The following NRXN3 variants were observed in gnomAD, a reference collection of about 807,000 sequenced individuals.
NRXN3 encodes neurexin 3.
In NRXN3, 32 loss-of-function variants were observed where a neutral mutation model predicts 137.6. The observed-to-expected ratio is 0.23, with a 90% confidence interval of 0.18 to 0.31. The LOEUF (loss-of-function observed/expected upper bound fraction) is 0.31, where lower values mean the gene tolerates loss of function less well. NRXN3 is among the 10% of genes least tolerant of loss of function. The pLI is 1.00. For synonymous variants in NRXN3, 798 were observed against 784.5 expected (o/e 1.02, Z -0.29); for missense variants, 1,574 against 2,062.5 (o/e 0.76, Z 4.59).
chr14:79,490,647 A>C (rs1014147967), intron 16 of NRXN3, among the ~76,000 whole-genome samples: 4 of 151,066 alleles, frequency 2.6e-5, no homozygotes, highest in Non-Finnish European at 5.9e-5. Flanking sequence ...TAGAGAATAG[A>C]AGGATGGTTA....
intron 4 of NRXN3, among the ~76,000 whole-genome samples, chr14:78,501,551 A>G (rs1180472154): frequency 2.6e-5 from 4 of 152,182 alleles, no homozygotes; most frequent in African/African-American, 4.8e-5. Flanking sequence ...AAAAAAAGCT[A>G]CTTACTAGGT....
intron 10 of NRXN3, among the ~76,000 whole-genome samples, chr14:78,916,925 C>A (rs904472454): frequency 2.0e-5 from 3 of 152,168 alleles, no homozygotes; most frequent in African/African-American, 7.2e-5. Context: ...TTTACATTGT[C>A]TTCCTGCTGA....
At chr14:79,280,867 G>A (rs1000111863) in intron 15 of NRXN3, 1 of 299,820 alleles carries the variant, frequency 3.3e-6, no homozygotes, top group Non-Finnish European at 6.4e-6. Context: ...CTTATCAGGT[G>A]AGTCCCAGTG....
chr14:78,362,506 A>G (rs1241944590), intron 4 of NRXN3, among the ~76,000 whole-genome samples: 2 of 152,238 alleles, frequency 1.3e-5, no homozygotes, highest in African/African-American at 2.4e-5. Flanking sequence ...TCCAAAGGGC[A>G]TAAATTAGAA....
rs75503254 is a variant in NRXN3, at chr14:78,289,971, T to G, written c.728-7860T>G. Among the ~76,000 whole-genome samples the G allele has an allele frequency of 6.4e-3, 980 of 152,162 alleles. 10 individuals carry two copies. Among genetic ancestry groups the G allele is most frequent in the African/African-American group, 0.023 (950 of 41,500 alleles). On this transcript the variant is annotated intron_variant, in intron 3 of 20. Transcript: ENST00000335750. ...GGTAGCTCTCATGTTCTTACATGAGTTTTTTACAAAGTTAGCTGCACATAG... is the reference window on the plus strand; with the variant it reads ...GGTAGCTCTCATGTTCTTACATGAGGTTTTTACAAAGTTAGCTGCACATAG...
At chr14:78,904,107 G>A (rs2099206933) in intron 10 of NRXN3, among the ~76,000 whole-genome samples, 1 of 152,092 alleles carries the variant, frequency 6.6e-6, no homozygotes, top group African/African-American at 2.4e-5. Context: ...GATATGTCAA[G>A]ATTATTCAGA....
chr14:79,302,114 C>G (rs1293371912), intron 15 of NRXN3, among the ~76,000 whole-genome samples: 1 of 151,994 alleles, frequency 6.6e-6, no homozygotes, highest in Admixed American at 6.6e-5. Flanking sequence ...TCTAACACCT[C>G]ACATCCTGTG....
chr14:79,803,864 C>T (rs1001575104), intron 19 of NRXN3, among the ~76,000 whole-genome samples: 6 of 149,638 alleles, frequency 4.0e-5, no homozygotes, highest in Non-Finnish European at 7.4e-5. Context: ...GTGAGAATCA[C>T]GTCTAATTAA....
rs549490995 is a variant in NRXN3, at chr14:79,159,101, T to C, written c.3262+170960T>C. Among the ~76,000 whole-genome samples the C allele has an allele frequency of 2.8e-4, 42 of 152,006 alleles. No individual in the cohort carries two copies. The South Asian group carries it at 7.2e-3, about 26-fold the overall frequency. ...TACTCTCATAATAAGCAGGTGTTAT[T>C]GTTCTTTGGCCCTCCATAAAGTCAA... On this transcript the variant is annotated intron_variant, in intron 15 of 20. Transcript: ENST00000335750.
chr14:79,850,115 G>A (rs1021421902), intron 20 of NRXN3, among the ~76,000 whole-genome samples: 8 of 152,192 alleles, frequency 5.3e-5, no homozygotes, highest in African/African-American at 1.9e-4. Flanking sequence ...AAACAGATGT[G>A]GAGGCTTAAC....
intron 19 of NRXN3, among the ~76,000 whole-genome samples, chr14:79,712,692 A>C (rs2098808822): frequency 6.6e-6 from 1 of 152,034 alleles, no homozygotes; most frequent in South Asian, 2.1e-4. Flanking sequence ...GCTACAAAAG[A>C]CCTCACAAGA....
At chr14:79,218,206 C>G (rs148426547) in intron 15 of NRXN3, among the ~76,000 whole-genome samples, 37 of 152,216 alleles carry the variant, frequency 2.4e-4, no homozygotes, top group African/African-American at 8.2e-4. Flanking sequence ...TTGAAACATT[C>G]CTTTGTATAA....
At chr14:79,145,928 G>A (rs1180418057) in intron 15 of NRXN3, among the ~76,000 whole-genome samples, 2 of 152,060 alleles carry the variant, frequency 1.3e-5, no homozygotes, top group African/African-American at 2.4e-5. Flanking sequence ...TCCAAATATT[G>A]TAGATAAAGA....
intron 16 of NRXN3, among the ~76,000 whole-genome samples, chr14:79,473,299 G>T (rs370087554): frequency 6.6e-6 from 1 of 152,046 alleles, no homozygotes; most frequent in Non-Finnish European, 1.5e-5. Context: ...AGTTTCACTT[G>T]TATATTATTG....
intron 4 of NRXN3, among the ~76,000 whole-genome samples, chr14:78,512,014 C>A (rs550912818): frequency 2.6e-5 from 4 of 152,234 alleles, no homozygotes; most frequent in East Asian, 3.9e-4. Context: ...ATGCACAATG[C>A]GTGACACACA....
At chr14:79,343,369 A>G (rs975695945) in intron 15 of NRXN3, among the ~76,000 whole-genome samples, 2 of 152,164 alleles carry the variant, frequency 1.3e-5, no homozygotes, top group African/African-American at 4.8e-5. Context: ...TACCCCCAGG[A>G]ATGAACAAGG....
At chr14:79,671,601 G>T (rs1479686486) in intron 17 of NRXN3, among the ~76,000 whole-genome samples, 1 of 152,008 alleles carries the variant, frequency 6.6e-6, no homozygotes, top group African/African-American at 2.4e-5. Context: ...CCATTTAATA[G>T]TCTTGCTTGG....
chr14:78,587,556 C>T lies in NRXN3; in HGVS notation c.758-57564C>T, dbSNP rs139643008. ...ATTCTGATTATGCTACAGTTCCACTCCTAAAGATTCTTCTAAAAGATTCCC... is the reference window on the plus strand; with the variant it reads ...ATTCTGATTATGCTACAGTTCCACTTCTAAAGATTCTTCTAAAAGATTCCC... On this transcript the variant is annotated intron_variant, in intron 4 of 20. Coordinates refer to ENST00000335750, the MANE Select transcript of NRXN3 (RefSeq NM_001330195.2). Among the ~76,000 whole-genome samples the T allele has an allele frequency of 3.7e-3, 556 of 152,250 alleles. 10 individuals carry two copies. The highest frequency in any genetic ancestry group is 0.013 in the African/African-American group (525 of 41,542).
intron 8 of NRXN3, among the ~76,000 whole-genome samples, chr14:78,726,063 T>C (rs534325381): frequency 6.6e-6 from 1 of 152,322 alleles, no homozygotes; most frequent in East Asian, 1.9e-4. Context: ...TTTACTACTC[T>C]CAGTAACAAG....
Sources: allele counts gnomAD v4.1 joint callset (sites outside exome capture counted in the v4.1 genomes callset), GRCh38; gene constraint gnomAD v4.1.1; transcripts MANE v1.5; gene names NCBI Gene and HGNC (gene_info 2026-07-23, HGNC 2026-07-21).